Variants in ACBD6 observed in about 807,000 individuals in gnomAD.
ACBD6 encodes acyl-CoA binding domain containing 6.
ACBD6 carries 28 observed loss-of-function variants against 37.2 expected under a neutral mutation model. That is an observed-to-expected ratio of 0.75 (90% CI 0.56 to 1.03). The LOEUF (loss-of-function observed/expected upper bound fraction) is 1.03, where lower values mean the gene tolerates loss of function less well. ACBD6 is among the 50% of genes least tolerant of loss of function. The probability of loss-of-function intolerance (pLI) is 0.00; values close to 1 mark genes in which losing one functional copy is unlikely to be tolerated. For synonymous variants in ACBD6, 113 were observed against 126.8 expected (o/e 0.89, Z 0.73); for missense variants, 340 against 337.4 (o/e 1.01, Z -0.06).
At chr1:180,500,909 T>TGTAG (rs1294968290) in intron 1 of ACBD6, among the ~76,000 whole-genome samples, 1 of 152,104 alleles carries the variant, frequency 6.6e-6, no homozygotes, top group African/African-American at 2.4e-5. Flanking sequence ...TTTGCTTCTC[T>TGTAG]GCATTCTCTG....
At chr1:180,315,083 T>C (rs1375969673) in intron 6 of ACBD6, among the ~76,000 whole-genome samples, 1 of 152,030 alleles carries the variant, frequency 6.6e-6, no homozygotes, top group Non-Finnish European at 1.5e-5. Context: ...ATTAGGATTT[T>C]TTTTTTCCTA....
chr1:180,394,082 G>C (rs537321964), intron 6 of ACBD6, among the ~76,000 whole-genome samples: 1 of 152,198 alleles, frequency 6.6e-6, no homozygotes, highest in South Asian at 2.1e-4. Flanking sequence ...AATGTGTTTG[G>C]TTCAAAAAAC....
At chr1:180,476,077 A>G (rs190254502) in intron 3 of ACBD6, among the ~76,000 whole-genome samples, 85 of 152,352 alleles carry the variant, frequency 5.6e-4, no homozygotes, top group African/African-American at 1.9e-3. Context: ...ACAAACAACT[A>G]TCACATACCA....
Position 180,295,269 on chromosome 1 carries a change from C to A in ACBD6, c.695-6752G>T, listed in dbSNP as rs528691903. ...AAAGCACTGGTTTAGCTGCATCCTG[C>A]AATTTTTTTTTTTTTTTTTGAGGCG... On this transcript the variant is annotated intron_variant, in intron 7 of 7. Coordinates refer to ENST00000367595, the MANE Select transcript of ACBD6 (RefSeq NM_032360.4). Among the ~76,000 whole-genome samples, 265 of 112,874 alleles carry A rather than the reference C, an allele frequency of 2.3e-3. 1 individual carries two copies. Among genetic ancestry groups the A allele is most frequent in the Middle Eastern group, 0.011 (2 of 180 alleles). The allele number at this position is 112,874 out of a possible 152,430, so 74.0% of individuals were successfully genotyped here. A position where few individuals can be genotyped will look rare whatever the true frequency, so the allele number is the denominator to read the frequency against.
At chr1:180,482,216 A>G (rs1405556105) in intron 3 of ACBD6, among the ~76,000 whole-genome samples, 2 of 152,162 alleles carry the variant, frequency 1.3e-5, no homozygotes, top group Non-Finnish European at 2.9e-5. Flanking sequence ...CTATCTTTCA[A>G]TAATTTTTAT....
At chr1:180,491,787 T>A (rs1250351258) in intron 3 of ACBD6, among the ~76,000 whole-genome samples, 1 of 152,186 alleles carries the variant, frequency 6.6e-6, no homozygotes, top group Non-Finnish European at 1.5e-5. Context: ...GCTGGTTATA[T>A]TACTATTTAA....
At chr1:180,331,928 T>C (rs918798478) in intron 6 of ACBD6, among the ~76,000 whole-genome samples, 2 of 152,204 alleles carry the variant, frequency 1.3e-5, no homozygotes, top group Admixed American at 6.5e-5. Flanking sequence ...GAGTATATTC[T>C]AAAATATATG....
chr1:180,498,108 T>C (rs1188338299), intron 1 of ACBD6, among the ~76,000 whole-genome samples: 1 of 152,208 alleles, frequency 6.6e-6, no homozygotes, highest in Non-Finnish European at 1.5e-5. Context: ...ACACAGACTT[T>C]TCAAATGTTG....
chr1:180,383,383 C>T (rs139943544), intron 6 of ACBD6, among the ~76,000 whole-genome samples: 283 of 152,064 alleles, frequency 1.9e-3, no homozygotes, highest in East Asian at 4.2e-3. Flanking sequence ...GTAGGGTTTC[C>T]GTACCCCAAT....
intron 3 of ACBD6, among the ~76,000 whole-genome samples, chr1:180,450,925 T>A (rs1244867595): frequency 6.6e-6 from 1 of 152,116 alleles, no homozygotes; most frequent in Non-Finnish European, 1.5e-5. Flanking sequence ...TTCTAACAAC[T>A]GGAGTTCTTC....
intron 4 of ACBD6, among the ~76,000 whole-genome samples, chr1:180,424,164 G>A (rs1036450884): frequency 2.6e-5 from 4 of 152,026 alleles, no homozygotes; most frequent in African/African-American, 4.8e-5. Flanking sequence ...TAACAGCAGC[G>A]TTACTAACTA....
chr1:180,476,885 G>C (rs1650818077), intron 3 of ACBD6, among the ~76,000 whole-genome samples: 1 of 151,910 alleles, frequency 6.6e-6, no homozygotes, highest in Non-Finnish European at 1.5e-5. Flanking sequence ...AACAACACAA[G>C]TACATGGATG....
At chr1:180,454,425 G>C (rs1649836289) in intron 3 of ACBD6, among the ~76,000 whole-genome samples, 1 of 152,100 alleles carries the variant, frequency 6.6e-6, no homozygotes, top group Non-Finnish European at 1.5e-5. Flanking sequence ...AAAAACCCTA[G>C]AAGAAAACCT....
At chr1:180,456,392 G>A (rs1649926214) in intron 3 of ACBD6, among the ~76,000 whole-genome samples, 1 of 152,144 alleles carries the variant, frequency 6.6e-6, no homozygotes, top group African/African-American at 2.4e-5. Flanking sequence ...GTATGTGACA[G>A]TAGCAATTAC....
At chr1:180,384,942 T>TA (rs1039987621) in intron 6 of ACBD6, among the ~76,000 whole-genome samples, 1 of 152,094 alleles carries the variant, frequency 6.6e-6, no homozygotes, top group Non-Finnish European at 1.5e-5. Flanking sequence ...ATGTAGGAGC[T>TA]AAAAAAGTTG....
At chr1:180,497,368 G>A (rs754597192) in intron 1 of ACBD6, among the ~76,000 whole-genome samples, 5 of 152,156 alleles carry the variant, frequency 3.3e-5, no homozygotes, top group Non-Finnish European at 7.4e-5. Context: ...AAGAAAAGGA[G>A]CTTGTCTTCC....
At chr1:180,488,102 GT>G (rs1258940751) in intron 3 of ACBD6, among the ~76,000 whole-genome samples, 1 of 146,304 alleles carries the variant, frequency 6.8e-6, no homozygotes, top group Admixed American at 6.9e-5. Context: ...TTGTGTGTGT[GT>G]TGTGTGTGTG....
At chr1:180,435,368 C>T in intron 3 of ACBD6, 1 of 407,238 alleles carries the variant, frequency 2.5e-6, no homozygotes, top group Non-Finnish European at 4.5e-6. Context: ...CCTGCCTCAG[C>T]CTCCCAAGTA....
At chr1:180,408,718 C>CAG (rs964638246) in intron 5 of ACBD6, among the ~76,000 whole-genome samples, 2 of 150,854 alleles carry the variant, frequency 1.3e-5, no homozygotes, top group African/African-American at 2.4e-5. Flanking sequence ...TTAGGAGGGT[C>CAG]AGAGAGAGAG....
Sources: gnomAD v4.1 joint callset for allele counts (sites outside exome capture counted in the v4.1 genomes callset) on GRCh38, gnomAD v4.1.1 for gene constraint, MANE v1.5 for transcripts, NCBI Gene and HGNC (gene_info 2026-07-23, HGNC 2026-07-21) for gene names.